Variants in ZPBP observed in about 807,000 individuals in gnomAD.
ZPBP encodes zona pellucida-binding protein 1.
Under a neutral mutation model 44.8 loss-of-function variants are expected in ZPBP, and 26 were observed. That is an observed-to-expected ratio of 0.58 (90% CI 0.43 to 0.81). ZPBP has a LOEUF of 0.81. Among genes scored for constraint, ZPBP ranks in the 30% least tolerant of loss-of-function variants. ZPBP has a pLI of 0.00. For synonymous variants in ZPBP, 174 were observed against 153.2 expected, an observed-to-expected ratio of 1.14 and a Z score of -1.00; for missense variants, 409 against 434.0, an observed-to-expected ratio of 0.94 and a Z score of 0.51.
downstream of ZPBP, among the ~76,000 whole-genome samples, chr7:49,932,520 C>A (rs777637897): frequency 1.1e-4 from 16 of 152,220 alleles, no homozygotes; most frequent in Non-Finnish European, 2.4e-4. Flanking sequence ...TAGGAATGGG[C>A]GTATTTACCC....
intron 2 of ZPBP, among the ~76,000 whole-genome samples, chr7:49,894,317 G>A (rs6959913): frequency 0.029 from 4,372 of 152,232 alleles, 233 homozygotes; most frequent in African/African-American, 0.1. Context: ...CGCCATGCCC[G>A]GCTAATTTTT....
chr7:49,961,182 T>A (rs1795849029), intron 7 of ZPBP, among the ~76,000 whole-genome samples: 2 of 152,186 alleles, frequency 1.3e-5, no homozygotes, highest in South Asian at 4.1e-4. Flanking sequence ...AAGCTTTATT[T>A]GTAATGGCCT....
intron 2 of ZPBP, among the ~76,000 whole-genome samples, chr7:49,889,281 A>G (rs912803651): frequency 2.3e-4 from 35 of 152,190 alleles, no homozygotes; most frequent in Admixed American, 1.6e-3. Context: ...TCAAGATGCT[A>G]CTTAGGCTTC....
intron 5 of ZPBP, among the ~76,000 whole-genome samples, chr7:50,026,199 G>GAAAT (rs1799316028): frequency 6.6e-6 from 1 of 151,748 alleles, no homozygotes; most frequent in African/African-American, 2.4e-5. Flanking sequence ...AAGATGCAAA[G>GAAAT]AAATGCATTA....
At chr7:50,051,399 G>T (rs1322986659) in intron 4 of ZPBP, among the ~76,000 whole-genome samples, 1 of 152,088 alleles carries the variant, frequency 6.6e-6, no homozygotes, top group African/African-American at 2.4e-5. Flanking sequence ...TCTACAACCA[G>T]AAATGCCATT....
intron 1 of ZPBP, chr7:49,911,999 A>G: frequency 6.4e-7 from 1 of 1,565,560 alleles, no homozygotes; most frequent in Non-Finnish European, 8.6e-7. Context: ...ATATTTATGC[A>G]CACATATAGT....
intron 4 of ZPBP, among the ~76,000 whole-genome samples, chr7:50,033,988 C>T (rs979659718): frequency 6.6e-5 from 10 of 152,030 alleles, no homozygotes; most frequent in Non-Finnish European, 1.5e-4. Context: ...CCACTGTGCC[C>T]GGCCTTGCTA....
chr7:49,871,335 C>A (rs1000673060), intron 2 of ZPBP, among the ~76,000 whole-genome samples: 1 of 152,092 alleles, frequency 6.6e-6, no homozygotes, highest in Non-Finnish European at 1.5e-5. Context: ...AAAACCCCTG[C>A]GCATTAAGGT....
At chr7:50,023,734 G>T (rs1799199047) in intron 5 of ZPBP, among the ~76,000 whole-genome samples, 1 of 151,992 alleles carries the variant, frequency 6.6e-6, no homozygotes. Flanking sequence ...TGAATAACAT[G>T]CTAAGAGTTC....
At chr7:50,048,744 G>A (rs1280392961) in intron 4 of ZPBP, among the ~76,000 whole-genome samples, 3 of 151,950 alleles carry the variant, frequency 2.0e-5, no homozygotes, top group African/African-American at 2.4e-5. Flanking sequence ...AAGCTCTCAC[G>A]TAGCCTAATC....
chr7:50,010,908 CAAAAAAAAA>C (rs71554292), intron 6 of ZPBP, among the ~76,000 whole-genome samples: 1 of 92,434 alleles, frequency 1.1e-5, no homozygotes, highest in South Asian at 4.0e-4. Flanking sequence ...CAAGACCAAG[CAAAAAAAAA>C]AAAAAAAAAA....
At chr7:49,869,766 A>G (rs1240766012) in intron 2 of ZPBP, among the ~76,000 whole-genome samples, 1 of 152,180 alleles carries the variant, frequency 6.6e-6, no homozygotes, top group Non-Finnish European at 1.5e-5. Flanking sequence ...CAAACATCCA[A>G]GAGAATTGGA....
intron 1 of ZPBP, chr7:49,919,719 A>C (rs1456845428): frequency 1.3e-5 from 2 of 152,342 alleles, no homozygotes; most frequent in Non-Finnish European, 2.9e-5. Flanking sequence ...GCAATGGTGA[A>C]GGTTGTGGGT....
chr7:49,946,706 A>G (rs1795118201), intron 7 of ZPBP, among the ~76,000 whole-genome samples: 2 of 152,056 alleles, frequency 1.3e-5, no homozygotes, highest in Admixed American at 6.6e-5. Context: ...TTGGTGTTCT[A>G]TACCTTTCTT....
chr7:50,028,441 T>C (rs1799436206), intron 5 of ZPBP, among the ~76,000 whole-genome samples: 1 of 152,084 alleles, frequency 6.6e-6, no homozygotes, highest in Admixed American at 6.6e-5. Flanking sequence ...ATGCCAATTG[T>C]GCCACTTCTA....
At chr7:50,073,327 G>A (rs1003974322) in intron 3 of ZPBP, among the ~76,000 whole-genome samples, 1 of 151,892 alleles carries the variant, frequency 6.6e-6, no homozygotes, top group Non-Finnish European at 1.5e-5. Context: ...TAGTGAGCTT[G>A]AAAACACACT....
chr7:49,867,602 G>A (rs1170546155), intron 2 of ZPBP, among the ~76,000 whole-genome samples: 1 of 152,186 alleles, frequency 6.6e-6, no homozygotes, highest in Admixed American at 6.5e-5. Context: ...GTGTGGTGCT[G>A]GAGGCACAGG....
At chr7:49,946,055 A>G (rs1795091755) in intron 7 of ZPBP, among the ~76,000 whole-genome samples, 1 of 152,132 alleles carries the variant, frequency 6.6e-6, no homozygotes. Flanking sequence ...CAACAACTTA[A>G]TGCTGATTGC....
At chr7:49,846,424 G>T (rs1789947832), downstream of ZPBP, among the ~76,000 whole-genome samples, 2 of 152,154 alleles carry the variant, frequency 1.3e-5, no homozygotes, top group South Asian at 2.1e-4. Context: ...GGACATTTTT[G>T]ACATCTGCAG....
Sources: allele counts gnomAD v4.1 joint callset (sites outside exome capture counted in the v4.1 genomes callset), GRCh38; gene constraint gnomAD v4.1.1; transcripts MANE v1.5; gene names NCBI Gene and HGNC (gene_info 2026-07-23, HGNC 2026-07-21).